The following PPP1CC variants were observed in gnomAD, a reference collection of about 807,000 sequenced individuals.
The protein encoded by PPP1CC is serine/threonine-protein phosphatase PP1-gamma catalytic subunit.
A neutral mutation model predicts 38.4 loss-of-function variants in PPP1CC; 16 were observed. The ratio of observed to expected loss-of-function variants is 0.42; its 90% CI spans 0.28 to 0.63. PPP1CC has a LOEUF of 0.63. Among genes scored for constraint, PPP1CC ranks in the 30% least tolerant of loss-of-function variants. The pLI, the probability that PPP1CC is intolerant of heterozygous loss-of-function variation, is 0.25. For missense variants in PPP1CC, 170 were observed against 391.3 expected (o/e 0.43, Z 4.77); for synonymous variants, 158 against 136.0 (o/e 1.16, Z -1.13).
chr12:110,728,307 G>A (rs2069828974), intron 3 of PPP1CC, among the ~76,000 whole-genome samples: 1 of 151,364 alleles, frequency 6.6e-6, no homozygotes, highest in African/African-American at 2.4e-5. Context: ...GCTGAGGCAG[G>A]AGAATGGCGT....
chr12:110,724,804 T>G (rs943832900), intron 3 of PPP1CC, 40 bp from the exon 4 acceptor site: 2 of 1,259,370 alleles, frequency 1.6e-6, no homozygotes, highest in South Asian at 2.4e-5. Context: ...AAAGAGAGTA[T>G]TACTGTTCCG....
chr12:110,742,273 C>A (rs1052224188), intron 1 of PPP1CC, among the ~76,000 whole-genome samples: 18 of 152,194 alleles, frequency 1.2e-4, no homozygotes, highest in Non-Finnish European at 1.8e-4. Context: ...TCGCACAGCA[C>A]GGCACACGTC....
chr12:110,715,879 C>T (rs2069683252), downstream of PPP1CC, among the ~76,000 whole-genome samples: 1 of 150,736 alleles, frequency 6.6e-6, no homozygotes, highest in Non-Finnish European at 1.5e-5. Context: ...CCTTGGCCTC[C>T]CAAAGTGCTG....
chr12:110,721,154 A>G lies in PPP1CC; in HGVS notation c.894T>C (p.Pro298=), dbSNP rs1016629057. 50 of 1,613,524 alleles carry G rather than the reference A, an allele frequency of 3.1e-5. No homozygotes were observed. Among genetic ancestry groups the G allele is most frequent in the Non-Finnish European group, 4.2e-5 (49 of 1,179,706 alleles). Reference sequence around the variant, plus strand: ...TGGCATTTGGCTTCTTTTTCTCTGCAGGCTTTAAAATCTGGAGATTCAAAA... The same window carrying G: ...TGGCATTTGGCTTCTTTTTCTCTGCGGGCTTTAAAATCTGGAGATTCAAAA... ...TLMCSFQILK[P]AEKKKPNATR... is the part of the protein sequence containing the mutation. The change falls in exon 7 of 7, where the codon CCT becomes CCC. Residue 298 remains proline (P), a synonymous_variant. Coordinates refer to ENST00000335007, the MANE Select transcript of PPP1CC (RefSeq NM_002710.4).
At chr12:110,728,130 T>G (rs1299214431) in intron 3 of PPP1CC, among the ~76,000 whole-genome samples, 1 of 152,178 alleles carries the variant, frequency 6.6e-6, no homozygotes, top group Non-Finnish European at 1.5e-5. Context: ...CCAGGCACGG[T>G]GGCTCACGCC....
chr12:110,710,582 G>A, the PPP1CC span, among the ~76,000 whole-genome samples: 2 of 151,602 alleles, frequency 1.3e-5, no homozygotes, highest in Admixed American at 1.3e-4. Context: ...GCTGGGTGTG[G>A]TGGTGGGTGC....
At chr12:110,721,187 A>G (rs1231904510) in intron 6 of PPP1CC, 22 bp from the exon 7 acceptor site, 2 of 1,593,634 alleles carry the variant, frequency 1.3e-6, no homozygotes, top group South Asian at 1.1e-5. Flanking sequence ...AAAGACAGTT[A>G]ATTTAGGAAA....
chr12:110,716,072 T>C (rs7296697), downstream of PPP1CC, among the ~76,000 whole-genome samples: 147 of 151,376 alleles, frequency 9.7e-4, no homozygotes, highest in African/African-American at 3.4e-3. Flanking sequence ...TCCATCCCAA[T>C]AGCAAGGTAA....
chr12:110,709,709 G>A, the PPP1CC span, among the ~76,000 whole-genome samples: 2 of 151,214 alleles, frequency 1.3e-5, no homozygotes, highest in African/African-American at 4.9e-5. Flanking sequence ...CAGGTGCCTG[G>A]CTAATTTTTG....
rs1465676549 is a variant in PPP1CC at position 110,721,132 on chromosome 12, C to T, written c.916G>A (p.Ala306Thr). ...LKPAEKKKPNATRPVTPPRGM... is the reference protein window; with the variant it reads ...LKPAEKKKPNTTRPVTPPRGM... ...CTTGGAGGCGTTACAGGTCTCGTGG[C>T]ATTTGGCTTCTTTTTCTCTGCAGGC... is the stretch of plus-strand genomic sequence containing the variant. The change falls in exon 7 of 7, where the codon GCC becomes ACC. Residue 306 changes from alanine to threonine, a missense_variant. Physicochemically the swap from Ala to Thr is moderately conservative, Grantham distance 58. Around this residue, in one of 3 missense-constraint regions of PPP1CC, gnomAD observed 23 missense variants for 24.0 expected, o/e 0.96. Coordinates refer to ENST00000335007, the MANE Select transcript of PPP1CC (RefSeq NM_002710.4). 4 of 1,613,744 alleles carry T rather than the reference C, an allele frequency of 2.5e-6. No homozygotes were observed. Among genetic ancestry groups the T allele is most frequent in the African/African-American group, 2.7e-5 (2 of 74,914 alleles).
At chr12:110,716,626 T>A (rs2069689938), downstream of PPP1CC, among the ~76,000 whole-genome samples, 1 of 152,234 alleles carries the variant, frequency 6.6e-6, no homozygotes, top group South Asian at 2.1e-4. Context: ...CACGCTGGAA[T>A]TACAGGCATG....
chr12:110,725,880 G>C (rs1486102350), intron 3 of PPP1CC: 1 of 152,306 alleles, frequency 6.6e-6, no homozygotes, highest in African/African-American at 2.4e-5. Flanking sequence ...TGACCAACAT[G>C]AAGAAATCCC....
the PPP1CC span, among the ~76,000 whole-genome samples, chr12:110,711,236 A>G: frequency 2.0e-5 from 3 of 152,102 alleles, no homozygotes; most frequent in Non-Finnish European, 4.4e-5. Context: ...ACAGAAATAC[A>G]TATATTTCTC....
Position 110,722,282 on chromosome 12 carries a change from A to T in PPP1CC, c.748-13T>A, listed in dbSNP as rs964973401. 31 of 1,612,190 alleles carry T rather than the reference A, an allele frequency of 1.9e-5. No homozygotes were observed. The highest frequency in any genetic ancestry group is 2.5e-5 in the Non-Finnish European group (30 of 1,178,984). On this transcript the variant is annotated splice_polypyrimidine_tract_variant and intron_variant, in intron 5 of 6. Transcript: ENST00000335007. The surrounding 1 kb of genome is among the most constrained non-coding windows in gnomAD (Gnocchi z 5.4). ...CATCTTCAACCACCTTGAAGAGAAA[A>T]TTTTTTCAATATAAATAGGTGCAAA...
chr12:110,723,863 A>G (rs1374221518), intron 4 of PPP1CC, among the ~76,000 whole-genome samples: 1 of 152,170 alleles, frequency 6.6e-6, no homozygotes, highest in Non-Finnish European at 1.5e-5. Context: ...ATAAAAAACA[A>G]TCAAGGGAAA....
chr12:110,731,384 A>G lies in PPP1CC; in HGVS notation c.187+386T>C, dbSNP rs1365028585. ...GTTAAAACACAGATTATTTGCTTCT[A>G]TTATGCAGAAAACAGAACCACAAAA... is the stretch of plus-strand genomic sequence containing the variant. On this transcript the variant is annotated intron_variant, in intron 2 of 6. Transcript: ENST00000335007. 2.0e-5 allele frequency among the ~76,000 whole-genome samples: 3 copies of G among 152,198 alleles called. No individual in the cohort carries two copies. The East Asian group carries it at 5.8e-4, about 29-fold the overall frequency.
At chr12:110,714,635 C>T in the PPP1CC span, among the ~76,000 whole-genome samples, 26 of 151,276 alleles carry the variant, frequency 1.7e-4, no homozygotes, top group South Asian at 1.3e-3. Context: ...AGTAAAACCC[C>T]GTCTCTGCTA....
At chr12:110,742,327 C>T (rs1472051394) in intron 1 of PPP1CC, among the ~76,000 whole-genome samples, 4 of 152,152 alleles carry the variant, frequency 2.6e-5, no homozygotes, top group African/African-American at 9.7e-5. Context: ...GCTCCAAAGA[C>T]CCGTCCAGTG....
At chr12:110,712,609 C>T in the PPP1CC span, among the ~76,000 whole-genome samples, 1 of 125,996 alleles carries the variant, frequency 7.9e-6, no homozygotes, top group Admixed American at 1.0e-4. Context: ...TAGTGCACTC[C>T]AGCCTGGGCG....
Sources: allele counts gnomAD v4.1 joint callset (sites outside exome capture counted in the v4.1 genomes callset), GRCh38; gene constraint gnomAD v4.1.1; regional missense constraint gnomAD v4.1.1; non-coding constraint Gnocchi (gnomAD v3.1); transcripts MANE v1.5; gene names NCBI Gene and HGNC (gene_info 2026-07-23, HGNC 2026-07-21).